SLC9A2: variants seen among roughly 807,000 people sequenced by gnomAD.
The protein encoded by SLC9A2 is solute carrier family 9 member A2.
SLC9A2 carries 42 observed loss-of-function variants against 71.7 expected under a neutral mutation model. The ratio of observed to expected loss-of-function variants is 0.59; its 90% CI spans 0.46 to 0.76. The LOEUF is 0.76. Among genes scored for constraint, SLC9A2 ranks in the 30% least tolerant of loss-of-function variants. The pLI, the probability that SLC9A2 is intolerant of heterozygous loss-of-function variation, is 0.00. For synonymous variants in SLC9A2, 396 were observed against 392.5 expected (o/e 1.01, Z -0.10); for missense variants, 829 against 1,017.4 (o/e 0.81, Z 2.52).
intron 1 of SLC9A2, among the ~76,000 whole-genome samples, chr2:102,651,489 G>T (rs1676834951): frequency 6.6e-6 from 1 of 152,168 alleles, no homozygotes; most frequent in Non-Finnish European, 1.5e-5. Context: ...GCTCTGGAAA[G>T]TTCTTTCACT....
chr2:102,660,488 G>C (rs992626203), intron 2 of SLC9A2, among the ~76,000 whole-genome samples: 3 of 152,340 alleles, frequency 2.0e-5, no homozygotes, highest in Admixed American at 2.0e-4. Context: ...CGTTTCTCTC[G>C]CTGAATTGTC....
At position 102,705,851 on chromosome 2, in the gene SLC9A2, C is replaced by T. The variant is rs148165091; in HGVS notation, c.1983C>T (p.Ser661=). 8.2e-6 allele frequency: 13 copies of T among 1,582,750 alleles called. No homozygotes were observed. In the African/African-American group the frequency reaches 1.6e-4, roughly 20 times the overall value. Residue 661 remains serine, a synonymous_variant, in exon 11 of 12, where the codon TCC becomes TCT. Coordinates refer to ENST00000233969, the MANE Select transcript of SLC9A2 (RefSeq NM_003048.6). ...DSSLNREHRA[S]TSTSRYLSLP... ...ATTTTATATTTCTTTTACAGGCTTC[C>T]ACTTCAACCTCCCGATATTTATCCT...
intron 1 of SLC9A2, among the ~76,000 whole-genome samples, chr2:102,636,116 A>T (rs1676465246): frequency 6.6e-6 from 1 of 152,172 alleles, no homozygotes; most frequent in African/African-American, 2.4e-5. Context: ...AACTGTAAGA[A>T]TCTCCATGAA....
chr2:102,619,612 G>T lies in SLC9A2; in HGVS notation c.-237G>T. On this transcript the variant is annotated 5_prime_UTR_variant, in exon 1 of 12. Transcript: ENST00000233969. This position sits in a 1 kb window ranked among gnomAD's most constrained non-coding sequence, Gnocchi z 4.3. ...CGGCGGAGGGCGGCTGAGGGCTGCT[G>T]AGGGTACGCGCAGCGGCCTCTCGTC... 1 of 393,540 alleles carries T rather than the reference G, an allele frequency of 2.5e-6. No individual in the cohort carries two copies. Among genetic ancestry groups the T allele is most frequent in the Non-Finnish European group, 4.5e-6 (1 of 223,608 alleles). 24.4% of individuals were successfully genotyped at this position (393,540 alleles called of 1,614,324 possible).
chr2:102,672,994 T>G (rs562433152), intron 3 of SLC9A2, among the ~76,000 whole-genome samples: 91 of 145,466 alleles, frequency 6.3e-4, no homozygotes, highest in African/African-American at 2.0e-3. Flanking sequence ...TTATTCTAGC[T>G]AATGCCAAAA....
intron 1 of SLC9A2, among the ~76,000 whole-genome samples, chr2:102,650,579 A>G (rs1676812737): frequency 6.6e-6 from 1 of 152,182 alleles, no homozygotes; most frequent in Admixed American, 6.5e-5. Flanking sequence ...AATTTTCCAC[A>G]GTTGTGGAAG....
chr2:102,660,757 G>A (rs1677032996), intron 2 of SLC9A2, among the ~76,000 whole-genome samples: 1 of 152,074 alleles, frequency 6.6e-6, no homozygotes, highest in South Asian at 2.1e-4. Context: ...TAGAAGAATA[G>A]GGGTTAGTTT....
intron 2 of SLC9A2, among the ~76,000 whole-genome samples, chr2:102,659,822 G>A (rs567619505): frequency 2.2e-4 from 33 of 152,288 alleles, no homozygotes; most frequent in African/African-American, 7.0e-4. Context: ...ACTTATGCTC[G>A]ATACGTAAAT....
chr2:102,634,172 T>C (rs1324795222), intron 1 of SLC9A2, among the ~76,000 whole-genome samples: 2 of 152,220 alleles, frequency 1.3e-5, no homozygotes, highest in African/African-American at 2.4e-5. Flanking sequence ...CCATGATATT[T>C]CTGGTTTACA....
intron 7 of SLC9A2, among the ~76,000 whole-genome samples, chr2:102,696,555 A>G (rs1677772686): frequency 6.6e-6 from 1 of 152,208 alleles, no homozygotes; most frequent in African/African-American, 2.4e-5. Flanking sequence ...ATTCTGTAGT[A>G]TCACAGACAC....
At chr2:102,699,134 G>A (rs1340415847) in intron 7 of SLC9A2, among the ~76,000 whole-genome samples, 2 of 152,196 alleles carry the variant, frequency 1.3e-5, no homozygotes, top group Non-Finnish European at 2.9e-5. Flanking sequence ...GGGGAGGAAG[G>A]TTGTGTGCAA....
At chr2:102,635,168 G>A (rs1430481872) in intron 1 of SLC9A2, among the ~76,000 whole-genome samples, 2 of 152,190 alleles carry the variant, frequency 1.3e-5, no homozygotes, top group Non-Finnish European at 2.9e-5. Context: ...GTATTCTAAG[G>A]CAGAAGCGTG....
At chr2:102,688,898 C>T (rs1201503801) in intron 5 of SLC9A2, among the ~76,000 whole-genome samples, 1 of 152,148 alleles carries the variant, frequency 6.6e-6, no homozygotes, top group Non-Finnish European at 1.5e-5. Flanking sequence ...TGTAAACGTA[C>T]TAAGTGGTTA....
intron 1 of SLC9A2, among the ~76,000 whole-genome samples, chr2:102,647,693 A>G (rs540359150): frequency 3.9e-5 from 6 of 152,340 alleles, no homozygotes; most frequent in African/African-American, 1.2e-4. Context: ...ACAAAATACC[A>G]TCAGAGAACA....
In SLC9A2 at chr2:102,710,729, T is replaced by C. The variant is rs1678091875; in HGVS notation, c.*2240T>C. 6.6e-6 allele frequency: 1 copy of C among 152,340 alleles called. No homozygotes were observed. The highest frequency in any genetic ancestry group is 1.5e-5 in the Non-Finnish European group (1 of 68,032). The allele number at this position is 152,340 out of a possible 1,614,324, so 9.4% of individuals were successfully genotyped here. A position where few individuals can be genotyped will look rare whatever the true frequency, so the allele number is the denominator to read the frequency against. The stretch of plus-strand genomic sequence containing the variant: ...TAGTCACTAGTCATTATGAGAGTAT[T>C]GACTAAATATTTTCACAATCTAAAT... On this transcript the variant is annotated 3_prime_UTR_variant, in exon 12 of 12. Coordinates refer to ENST00000233969, the MANE Select transcript of SLC9A2 (RefSeq NM_003048.6).
chr2:102,669,139 C>T (rs2104528809), intron 3 of SLC9A2, among the ~76,000 whole-genome samples: 1 of 152,276 alleles, frequency 6.6e-6, no homozygotes, highest in South Asian at 2.1e-4. Flanking sequence ...TATCATAAGA[C>T]TGAGGTTTTA....
chr2:102,700,399 C>A (rs1677851286), intron 7 of SLC9A2, among the ~76,000 whole-genome samples: 1 of 152,048 alleles, frequency 6.6e-6, no homozygotes, highest in South Asian at 2.1e-4. Flanking sequence ...AGCACTCCTA[C>A]ATTAACAGGT....
At chr2:102,632,126 A>ACG (rs1676380108) in intron 1 of SLC9A2, among the ~76,000 whole-genome samples, 3 of 96,714 alleles carry the variant, frequency 3.1e-5, no homozygotes, top group Admixed American at 1.0e-4. Context: ...ATATACATAT[A>ACG]TACATATATA....
chr2:102,621,262 C>T (rs1463073131), intron 1 of SLC9A2, among the ~76,000 whole-genome samples: 1 of 147,304 alleles, frequency 6.8e-6, no homozygotes, highest in Non-Finnish European at 1.5e-5. Flanking sequence ...GGAGGAGGAT[C>T]GCTTAAACTC....
Sources: allele counts gnomAD v4.1 joint callset (sites outside exome capture counted in the v4.1 genomes callset), GRCh38; gene constraint gnomAD v4.1.1; non-coding constraint Gnocchi (gnomAD v3.1); transcripts MANE v1.5; gene names NCBI Gene and HGNC (gene_info 2026-07-23, HGNC 2026-07-21).